VAV2: variants seen among roughly 807,000 people sequenced by gnomAD.
VAV2 encodes the protein guanine nucleotide exchange factor VAV2.
VAV2 carries 67 observed loss-of-function variants against 132.5 expected under a neutral mutation model. That is an observed-to-expected ratio of 0.51 (90% CI 0.42 to 0.62). The LOEUF (loss-of-function observed/expected upper bound fraction) is 0.62. VAV2 is among the 20% of genes least tolerant of loss of function. VAV2 has a pLI of 0.00. For missense variants in VAV2, 938 were observed against 1,153.6 expected, an observed-to-expected ratio of 0.81 and a Z score of 2.71; for synonymous variants, 492 against 443.5, an observed-to-expected ratio of 1.11 and a Z score of -1.37.
chr9:133,845,419 T>TG (rs1039549740), intron 3 of VAV2, among the ~76,000 whole-genome samples: 1 of 151,734 alleles, frequency 6.6e-6, no homozygotes, highest in African/African-American at 2.4e-5. Context: ...AGGGCCAGAA[T>TG]GGGGGGCCGC....
rs1209516670 is a variant in VAV2 at position 133,772,043 on chromosome 9, G to A, written c.2139C>T (p.Phe713=). 1 of 1,158,674 alleles carries A rather than the reference G, an allele frequency of 8.6e-7. No homozygotes were observed. The highest frequency in any genetic ancestry group is 2.4e-5 in the Admixed American group (1 of 41,548). 71.8% of individuals were successfully genotyped at this position (1,158,674 alleles called of 1,614,324 possible). The change falls in exon 26 of 30, where the codon TTC becomes TTT. Residue 713 remains phenylalanine (F), a synonymous_variant. Coordinates refer to ENST00000371850, the MANE Select transcript of VAV2 (RefSeq NM_001134398.2). The stretch of plus-strand genomic sequence containing the variant: ...CCTTGATGTGCTTCACCTCATCATT[G>A]AACCTGAGCAAACACACGGCCCCGG... ...EAERFAISIK[F]NDEVKHIKVV...
In VAV2 at chr9:133,919,034, AAGTGCTGGGAT is replaced by A. The variant is rs1196933934; in HGVS notation, c.321+20058_321+20068del. On this transcript the variant is annotated intron_variant, in intron 2 of 29. Transcript: ENST00000371850. This position sits in a 1 kb window ranked among gnomAD's most constrained non-coding sequence, Gnocchi z 5.8. ...GTGATCCTCCCACCTCGGCCTCCCA[AAGTGCTGGGAT>A]TACAGGTGAGAGCTACCACCCCCGG... Among the ~76,000 whole-genome samples, 9 of 152,008 alleles carry A rather than the reference AAGTGCTGGGAT, an allele frequency of 5.9e-5. No homozygotes were observed. The highest frequency in any genetic ancestry group is 6.5e-5 in the Admixed American group (1 of 15,272).
chr9:133,893,982 G>T (rs1477092737), intron 2 of VAV2, among the ~76,000 whole-genome samples: 1 of 152,196 alleles, frequency 6.6e-6, no homozygotes, highest in African/African-American at 2.4e-5. Flanking sequence ...GAGGCTCGGG[G>T]AGAAGGAAGA....
intron 2 of VAV2, among the ~76,000 whole-genome samples, chr9:133,876,187 G>A (rs958824569): frequency 2.0e-5 from 3 of 152,254 alleles, no homozygotes; most frequent in Admixed American, 1.3e-4. Context: ...GTGTGAGCCA[G>A]TCCCTGGTAT....
intron 4 of VAV2, among the ~76,000 whole-genome samples, chr9:133,819,099 C>A (rs1283638160): frequency 6.6e-6 from 1 of 151,930 alleles, no homozygotes; most frequent in Non-Finnish European, 1.5e-5. Flanking sequence ...CATTCCTTCA[C>A]ACGGGCTCAT....
intron 2 of VAV2, among the ~76,000 whole-genome samples, chr9:133,933,843 G>A (rs1161615193): frequency 5.6e-5 from 8 of 143,750 alleles, no homozygotes; most frequent in Non-Finnish European, 1.1e-4. Context: ...TGGATGGATG[G>A]TGGATGGGTG....
chr9:133,807,847 G>T (rs1023794517), intron 7 of VAV2, among the ~76,000 whole-genome samples: 4 of 152,258 alleles, frequency 2.6e-5, no homozygotes, highest in African/African-American at 9.6e-5. Flanking sequence ...AGCCTCAGGC[G>T]GGATGTGAAG....
At position 133,888,927 on chromosome 9, in the gene VAV2, G is replaced by A. The variant is rs147980506; in HGVS notation, c.322-27495C>T. ...GACGCTGGGCCCTGGCGGACAGCCC[G>A]TCATTCGCATTCGCAAGGAGACGAC... On this transcript the variant is annotated intron_variant, in intron 2 of 29. Transcript: ENST00000371850. Among the ~76,000 whole-genome samples the A allele has an allele frequency of 3.0e-3, 451 of 152,312 alleles. 2 individuals carry two copies. The highest frequency in any genetic ancestry group is 0.011 in the African/African-American group (437 of 41,560).
intron 1 of VAV2, among the ~76,000 whole-genome samples, chr9:133,949,982 A>C (rs1258228735): frequency 1.3e-5 from 2 of 152,172 alleles, no homozygotes; most frequent in Admixed American, 6.5e-5. Context: ...CCAGCCGGTG[A>C]GAACCAGCAA....
intron 1 of VAV2, among the ~76,000 whole-genome samples, chr9:133,971,655 G>A (rs1842338005): frequency 6.6e-6 from 1 of 152,210 alleles, no homozygotes; most frequent in Non-Finnish European, 1.5e-5. Flanking sequence ...GACATGAAGG[G>A]TCAAGGCCAG....
intron 2 of VAV2, among the ~76,000 whole-genome samples, chr9:133,902,442 G>A (rs1839481691): frequency 6.6e-6 from 1 of 152,230 alleles, no homozygotes; most frequent in Admixed American, 6.5e-5. Context: ...TGGAAGCGGG[G>A]AGACTCCCAC....
At chr9:133,939,404 G>A (rs562563266) in intron 1 of VAV2, 185 bp from the exon 2 acceptor site, 45 of 633,526 alleles carry the variant, frequency 7.1e-5, no homozygotes, top group South Asian at 6.7e-4. Flanking sequence ...CAAGGCTGGG[G>A]GGTGAGAAGC....
chr9:133,885,465 C>T lies in VAV2; in HGVS notation c.322-24033G>A, dbSNP rs140155130. ...CTTGATCCAAGGGCACAGCGGTGGC[C>T]GGTACTTCCTGAGGGCCTGCCACTG... On this transcript the variant is annotated intron_variant, in intron 2 of 29. Transcript: ENST00000371850. The surrounding 1 kb of genome is among the most constrained non-coding windows in gnomAD (Gnocchi z 5.0). Among the ~76,000 whole-genome samples, 5 of 152,188 alleles carry T rather than the reference C, an allele frequency of 3.3e-5. No homozygotes were observed. Among genetic ancestry groups the T allele is most frequent in the Admixed American group, 1.3e-4 (2 of 15,276 alleles).
chr9:133,896,890 C>G (rs1048528132), intron 2 of VAV2, among the ~76,000 whole-genome samples: 1 of 152,068 alleles, frequency 6.6e-6, no homozygotes, highest in African/African-American at 2.4e-5. Flanking sequence ...ATCAGGAGAT[C>G]AAGACCATCC....
chr9:133,837,105 T>G (rs955802242), intron 3 of VAV2, among the ~76,000 whole-genome samples: 2 of 152,228 alleles, frequency 1.3e-5, no homozygotes, highest in Non-Finnish European at 2.9e-5. Flanking sequence ...TTAACCTCTC[T>G]GAGTGTCAGC....
At chr9:133,875,378 G>A (rs1438413162) in intron 2 of VAV2, among the ~76,000 whole-genome samples, 1 of 152,248 alleles carries the variant, frequency 6.6e-6, no homozygotes, top group Non-Finnish European at 1.5e-5. Flanking sequence ...GATGGGAACA[G>A]GCCACCCTTC....
chr9:133,903,212 G>C (rs552816073), intron 2 of VAV2, among the ~76,000 whole-genome samples: 1 of 152,096 alleles, frequency 6.6e-6, no homozygotes, highest in East Asian at 1.9e-4. Context: ...CTGTGCCCCA[G>C]AAGGCACCAG....
At chr9:133,916,409 T>C (rs1233495586) in intron 2 of VAV2, among the ~76,000 whole-genome samples, 1 of 152,212 alleles carries the variant, frequency 6.6e-6, no homozygotes, top group Non-Finnish European at 1.5e-5. Context: ...AGGTGGTGGG[T>C]GCCAACGAGG....
At chr9:133,981,065 G>C (rs1047253782) in intron 1 of VAV2, among the ~76,000 whole-genome samples, 7 of 152,208 alleles carry the variant, frequency 4.6e-5, no homozygotes, top group Non-Finnish European at 1.0e-4. Flanking sequence ...GCCTGCACGT[G>C]CCCCATCTTC....
Sources: allele counts gnomAD v4.1 joint callset (sites outside exome capture counted in the v4.1 genomes callset), GRCh38; gene constraint gnomAD v4.1.1; non-coding constraint Gnocchi (gnomAD v3.1); transcripts MANE v1.5; gene names NCBI Gene and HGNC (gene_info 2026-07-23, HGNC 2026-07-21).